Variants in PCDHA2 observed in about 807,000 individuals in gnomAD.
PCDHA2 encodes protocadherin alpha 2, also known as protocadherin alpha-2.
Under a neutral mutation model 66.0 loss-of-function variants are expected in PCDHA2, and 58 were observed. The ratio of observed to expected loss-of-function variants is 0.88; its 90% confidence interval spans 0.71 to 1.09. PCDHA2 has a LOEUF of 1.09. PCDHA2 is among the 50% of genes least tolerant of loss of function. The pLI is 0.00. For synonymous variants in PCDHA2, 634 were observed against 554.0 expected (o/e 1.14, Z -2.03); for missense variants, 1,267 against 1,242.3 (o/e 1.02, Z -0.30).
At chr5:140,851,474 T>C in intron 1 of PCDHA2, 9 of 889,824 alleles carry the variant, frequency 1.0e-5, no homozygotes, top group Non-Finnish European at 1.2e-5. Context: ...TCAATAAATG[T>C]TATAAACACA....
At chr5:140,830,452 G>T in intron 1 of PCDHA2, 2 of 1,597,312 alleles carry the variant, frequency 1.3e-6, no homozygotes, top group South Asian at 2.3e-5. Context: ...GTAAGGCGGA[G>T]AATCAGGATT....
chr5:140,836,548 G>C (rs2150263673), intron 1 of PCDHA2: 1 of 1,613,752 alleles, frequency 6.2e-7, no homozygotes, highest in South Asian at 1.1e-5. Flanking sequence ...ACGGCGTTGC[G>C]GTGCTCAGCG....
At chr5:140,883,395 A>G (rs892476136) in intron 1 of PCDHA2, 2 of 1,614,048 alleles carry the variant, frequency 1.2e-6, no homozygotes, top group African/African-American at 1.3e-5. Context: ...AGTGTGTCCG[A>G]TCGTGACTCT....
intron 1 of PCDHA2, among the ~76,000 whole-genome samples, chr5:140,837,390 T>C (rs2150275262): frequency 6.6e-6 from 1 of 152,134 alleles, no homozygotes; most frequent in East Asian, 1.9e-4. Context: ...TGTTCCTTGT[T>C]TGTATAAGAA....
chr5:140,877,458 G>C, intron 1 of PCDHA2: 1 of 1,613,814 alleles, frequency 6.2e-7, no homozygotes, highest in Non-Finnish European at 8.5e-7. Context: ...TGACGTCCAC[G>C]GCCACGGTGC....
At chr5:140,841,225 C>T (rs1777101106) in intron 1 of PCDHA2, 1 of 1,448,206 alleles carries the variant, frequency 6.9e-7, no homozygotes, top group Non-Finnish European at 9.3e-7. Context: ...GGCCGAACAA[C>T]GGGAGATGCA....
At chr5:140,824,610 G>GTTGTTTTTTTTT (rs1768193318) in intron 1 of PCDHA2, 1 of 95,104 alleles carries the variant, frequency 1.1e-5, no homozygotes, top group African/African-American at 4.9e-5. Flanking sequence ...GCTAATTAAA[G>GTTGTTTTTTTTT]TTTTTTTTTT....
chr5:140,809,551 A>G (rs782165003), intron 1 of PCDHA2: 1 of 1,612,150 alleles, frequency 6.2e-7, no homozygotes, highest in Non-Finnish European at 8.5e-7. Flanking sequence ...AGCTGCAGAC[A>G]ACTGAGGAAT....
intron 1 of PCDHA2, chr5:140,823,666 A>T: frequency 6.2e-7 from 1 of 1,614,028 alleles, no homozygotes; most frequent in South Asian, 1.1e-5. Context: ...AGGCGAGATC[A>T]GCACAACACG....
At chr5:140,853,663 T>C (rs1278843204) in intron 1 of PCDHA2, 2 of 988,324 alleles carry the variant, frequency 2.0e-6, no homozygotes, top group South Asian at 4.7e-5. Context: ...CCAGACAAAT[T>C]GGGGCCTATG....
chr5:140,966,958 G>T (rs561982676), intron 1 of PCDHA2: 4 of 1,602,380 alleles, frequency 2.5e-6, no homozygotes, highest in African/African-American at 2.7e-5. Context: ...TGGCTCGCGC[G>T]CTGGGGCTTG....
intron 1 of PCDHA2, chr5:140,871,303 G>T: frequency 6.2e-7 from 1 of 1,613,972 alleles, no homozygotes; most frequent in Non-Finnish European, 8.5e-7. Flanking sequence ...GTGCGCGCCG[G>T]GGAAGCCCAC....
chr5:140,906,120 A>C (rs1554192404), intron 1 of PCDHA2, among the ~76,000 whole-genome samples: 1 of 152,134 alleles, frequency 6.6e-6, no homozygotes, highest in East Asian at 1.9e-4. Flanking sequence ...CCACTGACAC[A>C]AATGTTAGTC....
Position 140,984,851 on chromosome 5 carries a change from A to G in PCDHA2, c.2536+2288A>G, listed in dbSNP as rs986424116. Among the ~76,000 whole-genome samples the G allele has an allele frequency of 2.6e-5, 4 of 152,200 alleles. No individual in the cohort carries two copies. In the South Asian group the frequency reaches 6.2e-4, roughly 24 times the overall value. ...TTTCTGTAAATTGGGTGTAGTAATA[A>G]TAATAACACCTATTTTATTGAGTTA... On this transcript the variant is annotated intron_variant, in intron 3 of 3. Coordinates refer to ENST00000526136, the MANE Select transcript of PCDHA2 (RefSeq NM_018905.3).
intron 1 of PCDHA2, among the ~76,000 whole-genome samples, chr5:140,890,820 G>T (rs945332484): frequency 1.3e-5 from 2 of 152,080 alleles, no homozygotes; most frequent in East Asian, 3.9e-4. Flanking sequence ...TGTTTTAAAT[G>T]TACTTACATA....
At chr5:140,942,147 T>C (rs2093240437) in intron 1 of PCDHA2, among the ~76,000 whole-genome samples, 1 of 152,236 alleles carries the variant, frequency 6.6e-6, no homozygotes, top group Non-Finnish European at 1.5e-5. Flanking sequence ...TTACTTGACA[T>C]AAAACAGCTT....
intron 1 of PCDHA2, among the ~76,000 whole-genome samples, chr5:140,906,949 A>G (rs1349850915): frequency 1.3e-5 from 2 of 152,144 alleles, no homozygotes; most frequent in Non-Finnish European, 2.9e-5. Flanking sequence ...CTTAATTTCC[A>G]GTTTAATGGA....
chr5:140,858,155 T>C (rs782113419), intron 1 of PCDHA2: 1 of 1,597,742 alleles, frequency 6.3e-7, no homozygotes, highest in African/African-American at 1.3e-5. Context: ...CATCGCCATC[T>C]GCGCGGTGTC....
At chr5:140,985,557 G>A (rs1190905215) in intron 3 of PCDHA2, among the ~76,000 whole-genome samples, 1 of 152,118 alleles carries the variant, frequency 6.6e-6, no homozygotes, top group East Asian at 1.9e-4. Context: ...GCTTCCAAAA[G>A]GCTTCTTTCT....
Sources: gnomAD v4.1 joint callset for allele counts (sites outside exome capture counted in the v4.1 genomes callset) on GRCh38, gnomAD v4.1.1 for gene constraint, MANE v1.5 for transcripts, NCBI Gene and HGNC (gene_info 2026-07-23, HGNC 2026-07-21) for gene names.